Variants in LDB1 observed in about 807,000 individuals in gnomAD.
The protein encoded by LDB1 is LIM domain-binding protein 1.
Under a neutral mutation model 49.7 loss-of-function variants are expected in LDB1, and 6 were observed. The observed-to-expected ratio is 0.12, with a 90% CI of 0.07 to 0.24. The LOEUF (loss-of-function observed/expected upper bound fraction) is 0.24, where lower values mean the gene tolerates loss of function less well. LDB1 is among the 10% of genes least tolerant of loss of function. The probability of loss-of-function intolerance (pLI) is 1.00; values close to 1 mark genes in which losing one functional copy is unlikely to be tolerated. For missense variants in LDB1, 341 were observed against 561.7 expected (o/e 0.61, Z 3.97); for synonymous variants, 233 against 202.0 (o/e 1.15, Z -1.30).
chr10:102,114,657 G>A (rs1260420096), intron 1 of LDB1: 1 of 954,262 alleles, frequency 1.0e-6, no homozygotes, highest in Non-Finnish European at 1.2e-6. Context: ...CGGGGGCCAG[G>A]GGGCCGGCCT....
rs773354858 is a variant in LDB1, at chr10:102,108,112, G to A, written c.1217C>T (p.Thr406Met). 1.2e-6 allele frequency: 2 copies of A among 1,614,022 alleles called. No homozygotes were observed. The highest frequency in any genetic ancestry group is 1.7e-6 in the Non-Finnish European group (2 of 1,179,914). Residue 406 changes from threonine to methionine, a missense_variant, in exon 11 of 11, where the codon ACG becomes ATG. Thr to Met is a moderately conservative substitution (Grantham distance 81, BLOSUM62 -1). This residue lies in a region of LDB1 where 46 missense variants were observed against 62.9 expected (regional missense o/e 0.73). Coordinates refer to ENST00000673968, the MANE Select transcript of LDB1 (RefSeq NM_001113407.3). ...GGCCTTTTACTGGGAGGCCTGTGAC[G>A]TGGGGTTCTCCGATTTGCTTTCTTG... is the stretch of plus-strand genomic sequence containing the variant. ...SSQESKSENP[T>M]SQASQ is the part of the protein sequence containing the mutation.
Position 102,109,152 on chromosome 10 carries a change from G to A in LDB1, c.882C>T (p.Ser294=), listed in dbSNP as rs780081753. 6.2e-7 allele frequency: 1 copy of A among 1,613,926 alleles called. No individual in the cohort carries two copies. Among genetic ancestry groups the A allele is most frequent in the South Asian group, 1.1e-5 (1 of 91,062 alleles). ...PPAEPTRQQP[S]KRRKRKMSGG... The stretch of plus-strand genomic sequence containing the variant: ...CTGACATCTTCCGTTTCCGCCGTTT[G>A]CTGGGCTGCTGACGTGTGGGCTCCG... The change falls in exon 10 of 11, where the codon AGC becomes AGT. Residue 294 remains serine (S), a synonymous_variant. Coordinates refer to ENST00000673968, the MANE Select transcript of LDB1 (RefSeq NM_001113407.3). This position sits in a 1 kb window ranked among gnomAD's most constrained non-coding sequence, Gnocchi z 5.8.
downstream of LDB1, among the ~76,000 whole-genome samples, chr10:102,102,635 C>T (rs774299018): frequency 2.6e-4 from 40 of 152,236 alleles, no homozygotes; most frequent in Admixed American, 2.6e-4. Flanking sequence ...CAGCTTCCCA[C>T]ACTCCCCAGC....
intron 1 of LDB1, chr10:102,114,480 G>T: frequency 1.0e-6 from 1 of 986,332 alleles, no homozygotes; most frequent in Non-Finnish European, 1.2e-6. Flanking sequence ...CAGGGGTGAG[G>T]GCTGACGGGG....
At chr10:102,102,261 A>G (rs951643689), downstream of LDB1, among the ~76,000 whole-genome samples, 1 of 152,240 alleles carries the variant, frequency 6.6e-6, no homozygotes, top group Non-Finnish European at 1.5e-5. Context: ...TGTGCTGTGC[A>G]TGGAACAATG....
chr10:102,120,048 G>GGGCA, intron 1 of LDB1, 38 bp downstream of exon 1: 5 of 1,409,798 alleles, frequency 3.5e-6, no homozygotes, highest in Non-Finnish European at 3.8e-6. Context: ...AGGGACGGCT[G>GGGCA]GGCAGGAAGG....
intron 1 of LDB1, among the ~76,000 whole-genome samples, chr10:102,118,190 A>T (rs1407472773): frequency 6.6e-6 from 1 of 151,730 alleles, no homozygotes; most frequent in Non-Finnish European, 1.5e-5. Flanking sequence ...CCCCTCTCTA[A>T]CCTCAACTGC....
rs2068182598 is a variant in LDB1, at chr10:102,107,635, GA to G, written c.*457del. ...AGCTGGGATAAGTGGCAGCAGGGAG[GA>G]GGGGCCCAGAGCTTTACCCCTCTAT... On this transcript the variant is annotated 3_prime_UTR_variant, in exon 11 of 11. Transcript: ENST00000673968. 1 of 156,990 alleles carries G rather than the reference GA, an allele frequency of 6.4e-6. No homozygotes were observed. The highest frequency in any genetic ancestry group is 1.4e-5 in the Non-Finnish European group (1 of 71,106). The allele number at this position is 156,990 out of a possible 1,614,324, so 9.7% of individuals were successfully genotyped here.
At chr10:102,114,376 C>A (rs1357415223) in intron 1 of LDB1, 7 of 986,244 alleles carry the variant, frequency 7.1e-6, no homozygotes, top group Non-Finnish European at 8.4e-6. Flanking sequence ...CCGCCCACCC[C>A]CAACAGGCTC....
downstream of LDB1, among the ~76,000 whole-genome samples, chr10:102,102,301 A>T (rs1357978023): frequency 6.6e-6 from 1 of 152,212 alleles, no homozygotes; most frequent in Non-Finnish European, 1.5e-5. Flanking sequence ...CAAGGTTATG[A>T]TTAATCTAGT....
intron 1 of LDB1, among the ~76,000 whole-genome samples, chr10:102,119,320 GA>G (rs1240179383): frequency 7.0e-6 from 1 of 142,736 alleles, no homozygotes; most frequent in Non-Finnish European, 1.6e-5. Context: ...TGCCCCCCAG[GA>G]AAAAAACTCA....
chr10:102,102,593 T>A (rs2068129160), downstream of LDB1, among the ~76,000 whole-genome samples: 1 of 152,142 alleles, frequency 6.6e-6, no homozygotes, highest in Admixed American at 6.5e-5. Flanking sequence ...GAAGAAGGAA[T>A]CTGGAAGTGT....
rs2068176494 is a variant in LDB1 at position 102,107,244 on chromosome 10, G to A, written c.*849C>T. On this transcript the variant is annotated 3_prime_UTR_variant, in exon 11 of 11. Transcript: ENST00000673968. ...CCATGGGGGTGGGGCTGGAAGAGAG[G>A]GAGTCACAAGCACTAGGAGGGCAGG... is the stretch of plus-strand genomic sequence containing the variant. 6.6e-6 allele frequency among the ~76,000 whole-genome samples: 1 copy of A among 152,084 alleles called. No individual in the cohort carries two copies.
rs2068180266 is a variant in LDB1 at position 102,107,537 on chromosome 10, G to C, written c.*556C>G. ...GGAGGTAGCTGGACTTTTAATAGGG[G>C]GAAGAGGGGGGGACATGAGTGATTT... On this transcript the variant is annotated 3_prime_UTR_variant, in exon 11 of 11. Coordinates refer to ENST00000673968, the MANE Select transcript of LDB1 (RefSeq NM_001113407.3). 2 of 153,530 alleles carry C rather than the reference G, an allele frequency of 1.3e-5. No individual in the cohort carries two copies. The highest frequency in any genetic ancestry group is 4.8e-5 in the African/African-American group (2 of 41,378). 9.5% of individuals were successfully genotyped at this position (153,530 alleles called of 1,614,324 possible).
rs746846906 is a variant in LDB1 at position 102,108,334 on chromosome 10, C to T, written c.1006-11G>A. On this transcript the variant is annotated splice_polypyrimidine_tract_variant and intron_variant, in intron 10 of 10. Transcript: ENST00000673968. ...CACCACCATCACATCCTGAGAGTGG[C>T]GGAGGTCCCCAAACATAATCGGGGC... 7 of 1,606,186 alleles carry T rather than the reference C, an allele frequency of 4.4e-6. No homozygotes were observed. Among genetic ancestry groups the T allele is most frequent in the African/African-American group, 1.3e-5 (1 of 74,670 alleles).
rs757864333 is a variant in LDB1, at chr10:102,109,797, C to T, written c.649-114G>A. 7 of 1,551,938 alleles carry T rather than the reference C, an allele frequency of 4.5e-6. No homozygotes were observed. Among genetic ancestry groups the T allele is most frequent in the Non-Finnish European group, 6.2e-6 (7 of 1,130,122 alleles). ...GAGAGAGGATAGTCTCTTATTAAAC[C>T]TGCTGTTCAGATGAAGAAACCCTAA... On this transcript the variant is annotated intron_variant, in intron 7 of 10. Coordinates refer to ENST00000673968, the MANE Select transcript of LDB1 (RefSeq NM_001113407.3). The surrounding 1 kb of genome is among the most constrained non-coding windows in gnomAD (Gnocchi z 5.8).
Position 102,117,606 on chromosome 10 carries a change from C to CGGCCTCCCGTTGG in LDB1, c.25+2467_25+2479dup, listed in dbSNP as rs1440874014. Among the ~76,000 whole-genome samples the CGGCCTCCCGTTGG allele has an allele frequency of 6.6e-6, 1 of 152,124 alleles. No individual in the cohort carries two copies. The highest frequency in any genetic ancestry group is 1.9e-4 in the East Asian group (1 of 5,188). Reference sequence around the variant, plus strand: ...CTGCCCCCCTTCCTTTGTCTGTGCCCGGCCTCCCGTTGGCCTGGCGCTCTG... The same window carrying CGGCCTCCCGTTGG: ...CTGCCCCCCTTCCTTTGTCTGTGCCCGGCCTCCCGTTGGGGCCTCCCGTTGGCCTGGCGCTCTG... On this transcript the variant is annotated intron_variant, in intron 1 of 10. Coordinates refer to ENST00000673968, the MANE Select transcript of LDB1 (RefSeq NM_001113407.3). The surrounding 1 kb of genome is among the most constrained non-coding windows in gnomAD (Gnocchi z 4.2).
At chr10:102,102,266 A>G (rs1239348535), downstream of LDB1, among the ~76,000 whole-genome samples, 1 of 152,224 alleles carries the variant, frequency 6.6e-6, no homozygotes, top group Admixed American at 6.5e-5. Flanking sequence ...TGTGCATGGA[A>G]CAATGATGAG....
chr10:102,115,610 C>T (rs1434404602), intron 1 of LDB1, among the ~76,000 whole-genome samples: 1 of 152,092 alleles, frequency 6.6e-6, no homozygotes, highest in Non-Finnish European at 1.5e-5. Flanking sequence ...TCCCCACCAC[C>T]ACTGAAGACA....
Sources: allele counts gnomAD v4.1 joint callset (sites outside exome capture counted in the v4.1 genomes callset), GRCh38; gene constraint gnomAD v4.1.1; regional missense constraint gnomAD v4.1.1; non-coding constraint Gnocchi (gnomAD v3.1); transcripts MANE v1.5; gene names NCBI Gene and HGNC (gene_info 2026-07-23, HGNC 2026-07-21).